The following IL1RAPL1 variants were observed in gnomAD, a reference collection of about 807,000 sequenced individuals.
IL1RAPL1 encodes interleukin-1 receptor accessory protein-like 1.
A neutral mutation model predicts 48.4 loss-of-function variants in IL1RAPL1; 3 were observed. The ratio of observed to expected loss-of-function variants is 0.06; its 90% CI spans 0.03 to 0.16. The LOEUF is 0.16. IL1RAPL1 is among the 10% of genes least tolerant of loss of function. IL1RAPL1 has a pLI of 1.00. For missense variants in IL1RAPL1, 349 were observed against 530.6 expected, an observed-to-expected ratio of 0.66 and a Z score of 3.36; for synonymous variants, 185 against 187.7, an observed-to-expected ratio of 0.99 and a Z score of 0.12.
intron 6 of IL1RAPL1, among the ~76,000 whole-genome samples, chrX:29,848,548 G>T (rs771555849): frequency 9.0e-6 from 1 of 111,652 alleles, no homozygotes; most frequent in African/African-American, 3.3e-5. Context: ...TTGGATGCAG[G>T]TGATAAGGAC....
At chrX:29,676,944 GAAC>G in intron 6 of IL1RAPL1, among the ~76,000 whole-genome samples, 1 of 111,946 alleles carries the variant, frequency 8.9e-6, no homozygotes, top group Admixed American at 9.5e-5. Flanking sequence ...ATGTTAACAA[GAAC>G]TACTCCTGAA....
intron 1 of IL1RAPL1, among the ~76,000 whole-genome samples, chrX:28,649,420 A>C (rs1357786287): frequency 8.9e-6 from 1 of 112,346 alleles, no homozygotes; most frequent in Non-Finnish European, 1.9e-5. Flanking sequence ...GAAGAATAAA[A>C]AACCCAGTTA....
rs145546429 is a variant in IL1RAPL1, at chrX:29,167,440, C to T, written c.83-115498C>T. ...ACTTCTGCTTGTTTTTTACTTAATA[C>T]GTATTTTCCTTCTATTTAATAAAAG... On this transcript the variant is annotated intron_variant, in intron 2 of 10. Coordinates refer to ENST00000378993, the MANE Select transcript of IL1RAPL1 (RefSeq NM_014271.4). 7.6e-3 allele frequency among the ~76,000 whole-genome samples: 817 copies of T among 108,098 alleles called. 3 individuals are homozygous for T. The highest frequency in any genetic ancestry group is 0.023 in the African/African-American group (696 of 29,769). 93.9% of individuals were successfully genotyped at this position (108,098 alleles called of 115,157 possible).
chrX:29,229,580 A>G (rs1010189737), intron 2 of IL1RAPL1, among the ~76,000 whole-genome samples: 41 of 111,814 alleles, frequency 3.7e-4, no homozygotes, highest in South Asian at 2.6e-3. Context: ...AGTTCATCTC[A>G]TGGAAGGTGT....
At chrX:29,656,195 A>G (rs1189286758) in intron 5 of IL1RAPL1, among the ~76,000 whole-genome samples, 2 of 112,864 alleles carry the variant, frequency 1.8e-5, no homozygotes, top group African/African-American at 3.2e-5. Flanking sequence ...ATTGCCAATA[A>G]CTTCCATACT....
chrX:29,623,889 G>T (rs1409103380), intron 5 of IL1RAPL1, among the ~76,000 whole-genome samples: 1 of 111,804 alleles, frequency 8.9e-6, no homozygotes, highest in East Asian at 2.8e-4. Flanking sequence ...ACAATTGTCA[G>T]TGCTTCAAAA....
intron 2 of IL1RAPL1, among the ~76,000 whole-genome samples, chrX:29,195,753 G>A (rs1318130431): frequency 9.1e-6 from 1 of 109,618 alleles, no homozygotes; most frequent in Non-Finnish European, 1.9e-5. Context: ...TAGAGACGGG[G>A]TTTTGCCATG....
chrX:29,443,819 C>T (rs1007603008), intron 5 of IL1RAPL1, among the ~76,000 whole-genome samples: 8 of 111,314 alleles, frequency 7.2e-5, no homozygotes, highest in African/African-American at 2.6e-4. Flanking sequence ...TTTATGTGTT[C>T]TCTTATCCTC....
intron 2 of IL1RAPL1, among the ~76,000 whole-genome samples, chrX:28,934,498 A>C (rs1011132703): frequency 2.7e-5 from 3 of 110,924 alleles, no homozygotes; most frequent in Non-Finnish European, 5.7e-5. Flanking sequence ...ATCACCCCCA[A>C]ATGAAACAAT....
At chrX:29,947,845 T>G (rs1476365875) in intron 9 of IL1RAPL1, among the ~76,000 whole-genome samples, 1 of 108,835 alleles carries the variant, frequency 9.2e-6, no homozygotes, top group Admixed American at 9.8e-5. Flanking sequence ...AACAAGTTTT[T>G]GGATCCCAGA....
intron 2 of IL1RAPL1, among the ~76,000 whole-genome samples, chrX:29,206,117 TCTATA>T (rs1284994394): frequency 9.0e-6 from 1 of 111,709 alleles, no homozygotes; most frequent in Non-Finnish European, 1.9e-5. Flanking sequence ...AATTACCTGA[TCTATA>T]TCATTAACTT....
At chrX:29,635,638 A>T (rs1433647794) in intron 5 of IL1RAPL1, among the ~76,000 whole-genome samples, 1 of 111,297 alleles carries the variant, frequency 9.0e-6, no homozygotes, top group Non-Finnish European at 1.9e-5. Context: ...ACACATTGAT[A>T]AAAAAATATA....
chrX:29,421,216 A>T (rs1321282782), intron 5 of IL1RAPL1, among the ~76,000 whole-genome samples: 7 of 111,691 alleles, frequency 6.3e-5, no homozygotes, highest in Non-Finnish European at 1.3e-4. Context: ...ACACAGTAGA[A>T]GGGTGGGAAA....
chrX:28,704,823 C>A (rs868234230), intron 1 of IL1RAPL1, among the ~76,000 whole-genome samples: 2 of 46,354 alleles, frequency 4.3e-5, no homozygotes, highest in African/African-American at 1.3e-4. Flanking sequence ...CACACACACA[C>A]ACACACACAA....
intron 2 of IL1RAPL1, among the ~76,000 whole-genome samples, chrX:29,245,663 A>G (rs1236380470): frequency 4.5e-5 from 5 of 111,738 alleles, no homozygotes; most frequent in Non-Finnish European, 9.4e-5. Flanking sequence ...TTCTTTGTAG[A>G]TTGTGGATAT....
At chrX:28,837,682 CTTTT>C (rs58666924) in intron 2 of IL1RAPL1, among the ~76,000 whole-genome samples, 7 of 37,220 alleles carry the variant, frequency 1.9e-4, no homozygotes, top group African/African-American at 6.9e-4. Context: ...CATTCCACTT[CTTTT>C]TTTTTTTTTT....
At chrX:28,900,957 A>T (rs774760441) in intron 2 of IL1RAPL1, among the ~76,000 whole-genome samples, 1 of 112,211 alleles carries the variant, frequency 8.9e-6, no homozygotes, top group East Asian at 2.8e-4. Flanking sequence ...GGTCCATTAC[A>T]TAGTACAAAG....
At chrX:29,013,265 T>G (rs183343397) in intron 2 of IL1RAPL1, among the ~76,000 whole-genome samples, 2 of 109,474 alleles carry the variant, frequency 1.8e-5, no homozygotes, top group Admixed American at 9.7e-5. Context: ...ACACTGTTGG[T>G]GAAAGTGTAA....
At chrX:29,888,648 C>T (rs955419601) in intron 6 of IL1RAPL1, among the ~76,000 whole-genome samples, 3 of 111,015 alleles carry the variant, frequency 2.7e-5, no homozygotes, top group African/African-American at 6.6e-5. Flanking sequence ...CTTGGCTCAC[C>T]CAAGAAAAAA....
Sources: gnomAD v4.1 joint callset for allele counts (sites outside exome capture counted in the v4.1 genomes callset) on GRCh38, gnomAD v4.1.1 for gene constraint, MANE v1.5 for transcripts, NCBI Gene and HGNC (gene_info 2026-07-23, HGNC 2026-07-21) for gene names.